The following XKR9 variants were observed in gnomAD, a reference collection of about 807,000 sequenced individuals.
XKR9 encodes XK-related protein 9.
XKR9 carries 32 observed loss-of-function variants against 32.0 expected under a neutral mutation model. The observed-to-expected ratio is 1.00, with a 90% CI of 0.76 to 1.34. The LOEUF (loss-of-function observed/expected upper bound fraction) is 1.34, where lower values mean the gene tolerates loss of function less well. Among genes scored for constraint, XKR9 ranks in the 40% most tolerant of loss-of-function variants. The pLI is 0.00. For missense variants in XKR9, 546 were observed against 429.7 expected, an observed-to-expected ratio of 1.27 and a Z score of -2.39; for synonymous variants, 168 against 143.4, an observed-to-expected ratio of 1.17 and a Z score of -1.22.
the XKR9 span, among the ~76,000 whole-genome samples, chr8:70,884,452 C>A: frequency 3.3e-5 from 5 of 152,096 alleles, no homozygotes; most frequent in African/African-American, 1.2e-4. Flanking sequence ...TATCACCTAT[C>A]CCAACATTAC....
At chr8:71,056,940 T>C in the XKR9 span, among the ~76,000 whole-genome samples, 1 of 152,232 alleles carries the variant, frequency 6.6e-6, no homozygotes, top group Non-Finnish European at 1.5e-5. Context: ...TCTTACTTAT[T>C]ATCCTGAATA....
the XKR9 span, among the ~76,000 whole-genome samples, chr8:70,812,383 A>C: frequency 6.6e-6 from 1 of 152,242 alleles, no homozygotes; most frequent in Admixed American, 6.5e-5. Flanking sequence ...AACTGGCACA[A>C]GACAGGGATG....
chr8:70,742,039 T>C (rs1370731341), intron 2 of XKR9, among the ~76,000 whole-genome samples: 1 of 152,160 alleles, frequency 6.6e-6, no homozygotes, highest in Non-Finnish European at 1.5e-5. Context: ...TTTATTTGGA[T>C]TTCTTTAATG....
the XKR9 span, among the ~76,000 whole-genome samples, chr8:70,899,685 T>C: frequency 1.7e-3 from 254 of 152,284 alleles, 1 homozygote; most frequent in African/African-American, 5.9e-3. Context: ...GGGGCTGTAG[T>C]ACGCTTGCTC....
chr8:70,734,257 A>C lies in XKR9; in HGVS notation c.955A>C (p.Ile319Leu), dbSNP rs1806786965. Residue 319 changes from isoleucine (I) to leucine (L), a missense_variant, in exon 5 of 5, where the codon ATA becomes CTA. Transcript: ENST00000408926. Reference sequence around the variant, plus strand: ...CACTATTTTTAATCCAGACTATTTTATACCTATCAGTATAACTATAGTTCT... The same window carrying C: ...CACTATTTTTAATCCAGACTATTTTCTACCTATCAGTATAACTATAGTTCT... ...PLTIFNPDYFIPISITIVLTL... is the reference protein window; with the variant it reads ...PLTIFNPDYFLPISITIVLTL... The C allele has an allele frequency of 6.2e-7, 1 of 1,612,856 alleles. No homozygotes were observed. Among genetic ancestry groups the C allele is most frequent in the Non-Finnish European group, 8.5e-7 (1 of 1,179,312 alleles).
the XKR9 span, among the ~76,000 whole-genome samples, chr8:70,913,710 A>G: frequency 6.6e-5 from 10 of 152,286 alleles, no homozygotes; most frequent in African/African-American, 2.4e-4. Context: ...GAAATAGAAT[A>G]TTATTCACCC....
At chr8:70,814,684 A>G in the XKR9 span, among the ~76,000 whole-genome samples, 48,455 of 152,020 alleles carry the variant, frequency 0.32, 9,082 homozygotes, top group Non-Finnish European at 0.43. Context: ...GAACTGGACA[A>G]GAGAAGGATG....
At chr8:71,037,251 GATA>G in the XKR9 span, among the ~76,000 whole-genome samples, 1 of 152,052 alleles carries the variant, frequency 6.6e-6, no homozygotes, top group African/African-American at 2.4e-5. Context: ...TCTATGCATT[GATA>G]ATATCCACAA....
At chr8:71,055,074 A>G in the XKR9 span, among the ~76,000 whole-genome samples, 1 of 152,248 alleles carries the variant, frequency 6.6e-6, no homozygotes. Flanking sequence ...AACAAATAGG[A>G]AAGAAGAAAC....
chr8:70,806,458 A>G, the XKR9 span, among the ~76,000 whole-genome samples: 1 of 152,220 alleles, frequency 6.6e-6, no homozygotes, highest in Non-Finnish European at 1.5e-5. Context: ...GACAGTTGAT[A>G]AAAAACTACG....
chr8:70,773,386 C>G (rs1246983030), intron 2 of XKR9, among the ~76,000 whole-genome samples: 1 of 152,174 alleles, frequency 6.6e-6, no homozygotes, highest in African/African-American at 2.4e-5. Context: ...ATACAATCTA[C>G]TGGCCATGGT....
intron 4 of XKR9, among the ~76,000 whole-genome samples, chr8:70,733,154 G>A (rs1278229295): frequency 1.3e-5 from 2 of 152,140 alleles, no homozygotes; most frequent in East Asian, 3.8e-4. Flanking sequence ...TTACTTTTCT[G>A]TTATTTGCTG....
At chr8:70,764,034 A>G (rs371087319) in intron 2 of XKR9, among the ~76,000 whole-genome samples, 84 of 152,298 alleles carry the variant, frequency 5.5e-4, no homozygotes, top group African/African-American at 2.0e-3. Flanking sequence ...TTAGCCACAT[A>G]CTGCAGATAG....
the XKR9 span, among the ~76,000 whole-genome samples, chr8:70,901,052 C>T: frequency 6.6e-6 from 1 of 152,204 alleles, no homozygotes; most frequent in Admixed American, 6.5e-5. Flanking sequence ...TTAATCCAGT[C>T]TATCATTGAT....
At chr8:70,801,613 T>G in the XKR9 span, among the ~76,000 whole-genome samples, 1 of 152,238 alleles carries the variant, frequency 6.6e-6, no homozygotes, top group African/African-American at 2.4e-5. Context: ...ATGTTCCATA[T>G]GCAGATGAGA....
chr8:70,767,160 T>C (rs1167931084), intron 2 of XKR9, among the ~76,000 whole-genome samples: 1 of 152,218 alleles, frequency 6.6e-6, no homozygotes, highest in African/African-American at 2.4e-5. Flanking sequence ...TTTGGAATAG[T>C]TTCAGAAGGA....
chr8:70,733,299 C>A (rs1279233079), intron 4 of XKR9, among the ~76,000 whole-genome samples: 1 of 151,632 alleles, frequency 6.6e-6, no homozygotes, highest in Non-Finnish European at 1.5e-5. Context: ...TTCTGTTTAA[C>A]CCTCTTTCTC....
the XKR9 span, among the ~76,000 whole-genome samples, chr8:71,051,531 GTGT>G: frequency 5.6e-3 from 321 of 56,986 alleles, 1 homozygote; most frequent in African/African-American, 0.012. Context: ...GTGGTGGGGT[GTGT>G]GTGTGTGTGT....
chr8:70,744,771 A>G (rs1023396403), intron 2 of XKR9, among the ~76,000 whole-genome samples: 3 of 130,856 alleles, frequency 2.3e-5, no homozygotes, highest in African/African-American at 5.5e-5. Flanking sequence ...ACGCCTGGCT[A>G]ATTTTTGTAT....
Sources: gnomAD v4.1 joint callset for allele counts (sites outside exome capture counted in the v4.1 genomes callset) on GRCh38, gnomAD v4.1.1 for gene constraint, MANE v1.5 for transcripts, NCBI Gene and HGNC (gene_info 2026-07-23, HGNC 2026-07-21) for gene names.